The following MIGA1 variants were observed in gnomAD, a reference collection of about 807,000 sequenced individuals.
MIGA1 encodes mitoguardin 1.
In MIGA1, 58 loss-of-function variants were observed where a neutral mutation model predicts 82.0. That is an observed-to-expected ratio of 0.71 (90% CI 0.57 to 0.88). The LOEUF is 0.88. Ranked by LOEUF, MIGA1 falls within the 40% of genes least tolerant of loss-of-function variation. The pLI, the probability that MIGA1 is intolerant of heterozygous loss-of-function variation, is 0.00. For synonymous variants in MIGA1, 249 were observed against 253.6 expected, an observed-to-expected ratio of 0.98 and a Z score of 0.17; for missense variants, 751 against 749.1, an observed-to-expected ratio of 1.00 and a Z score of -0.03.
intron 5 of MIGA1, among the ~76,000 whole-genome samples, 189 bp downstream of exon 5, chr1:77,807,290 T>G (rs781658963): frequency 2.0e-5 from 3 of 152,064 alleles, no homozygotes; most frequent in Non-Finnish European, 4.4e-5. Flanking sequence ...GCCTCCTGAG[T>G]TGCTGGGACC....
chr1:77,813,638 A>G (rs1683450409), intron 5 of MIGA1, 96 bp from the exon 6 acceptor site: 2 of 1,272,518 alleles, frequency 1.6e-6, no homozygotes, highest in East Asian at 2.3e-5. Flanking sequence ...TTAGACTGTG[A>G]CATCAGTGAT....
intron 7 of MIGA1, among the ~76,000 whole-genome samples, chr1:77,826,928 C>T (rs1684048196): frequency 1.3e-5 from 2 of 151,674 alleles, no homozygotes; most frequent in African/African-American, 4.8e-5. Context: ...CCTCAGCCTC[C>T]CGAGTAACTG....
At chr1:77,807,206 G>T (rs1329580413) in intron 5 of MIGA1, 105 bp downstream of exon 5, 2 of 902,360 alleles carry the variant, frequency 2.2e-6, no homozygotes, top group Non-Finnish European at 3.3e-6. Context: ...CTGTCACCCA[G>T]GCTGGAGTAC....
At position 77,864,175 on chromosome 1, in the gene MIGA1, A is replaced by G; in HGVS notation, c.1509+147A>G. The G allele has an allele frequency of 5.8e-6, 4 of 691,218 alleles. No homozygotes were observed. In the South Asian group the frequency reaches 7.9e-5, roughly 14 times the overall value. 42.8% of individuals were successfully genotyped at this position (691,218 alleles called of 1,614,324 possible). A position where few individuals can be genotyped will look rare whatever the true frequency, so the allele number is the denominator to read the frequency against. On this transcript the variant is annotated intron_variant, in intron 13 of 15. Coordinates refer to ENST00000370791, the MANE Select transcript of MIGA1 (RefSeq NM_198549.4). The stretch of plus-strand genomic sequence containing the variant: ...CAGGAGTTTGAGACCAGCCTGGCCA[A>G]CATGGTGAAACCCCATCTCTACTAA...
chr1:77,811,401 C>T, intron 5 of MIGA1: 1 of 1,599,316 alleles, frequency 6.3e-7, no homozygotes. Context: ...ATTCCAAATT[C>T]TCTTCTTCAC....
rs565121143 is a variant in MIGA1, at chr1:77,809,077, A to G, written c.637+1976A>G. 4.6e-5 allele frequency among the ~76,000 whole-genome samples: 7 copies of G among 152,164 alleles called. No individual in the cohort carries two copies. The South Asian group carries it at 1.2e-3, about 27-fold the overall frequency. On this transcript the variant is annotated intron_variant, in intron 5 of 15. Transcript: ENST00000370791. ...AGTGAGCTAATTGTGCCACTGCACT[A>G]CAGCCTGGGTGACAGAGCCCGTTTT...
chr1:77,821,359 G>A (rs1683800503), intron 7 of MIGA1, among the ~76,000 whole-genome samples: 1 of 150,666 alleles, frequency 6.6e-6, no homozygotes, highest in African/African-American at 2.4e-5. Context: ...TTAGTTCTGA[G>A]TCATCATTCT....
intron 5 of MIGA1, chr1:77,810,854 G>A: frequency 6.2e-7 from 1 of 1,610,068 alleles, no homozygotes; most frequent in Non-Finnish European, 8.5e-7. Context: ...GGTTCATCAT[G>A]TCAGGATCAT....
intron 7 of MIGA1, among the ~76,000 whole-genome samples, chr1:77,836,090 A>C (rs911270213): frequency 1.3e-5 from 2 of 152,258 alleles, no homozygotes; most frequent in Non-Finnish European, 2.9e-5. Context: ...GGGACGGTCC[A>C]TTTATAATAA....
intron 8 of MIGA1, among the ~76,000 whole-genome samples, chr1:77,852,967 A>G (rs1685111178): frequency 6.6e-6 from 1 of 152,260 alleles, no homozygotes; most frequent in South Asian, 2.1e-4. Flanking sequence ...CTGGGATTAC[A>G]GGAATGAGCC....
At chr1:77,827,240 C>T (rs1038400277) in intron 7 of MIGA1, among the ~76,000 whole-genome samples, 1 of 152,108 alleles carries the variant, frequency 6.6e-6, no homozygotes, top group African/African-American at 2.4e-5. Context: ...CACGCCTGAC[C>T]TAAACTTTTT....
chr1:77,872,929 A>T, intron 14 of MIGA1, 75 bp from the exon 15 acceptor site: 1 of 1,579,578 alleles, frequency 6.3e-7, no homozygotes, highest in Non-Finnish European at 8.6e-7. Context: ...ATGAATAGCA[A>T]CTTCAGTTTC....
At chr1:77,780,755 A>C (rs1200973611) in intron 1 of MIGA1, among the ~76,000 whole-genome samples, 5 of 152,170 alleles carry the variant, frequency 3.3e-5, no homozygotes, top group Admixed American at 2.6e-4. Flanking sequence ...TTCTGAAAGC[A>C]AATGAAATGA....
chr1:77,862,409 T>C (rs1195452457), intron 12 of MIGA1, among the ~76,000 whole-genome samples: 2 of 150,696 alleles, frequency 1.3e-5, no homozygotes, highest in African/African-American at 2.4e-5. Flanking sequence ...ATCGCGCCAC[T>C]GTACTCCAGC....
intron 14 of MIGA1, 23 bp downstream of exon 14, chr1:77,866,414 T>C (rs1265287805): frequency 1.3e-5 from 21 of 1,609,392 alleles, no homozygotes; most frequent in Non-Finnish European, 1.8e-5. Flanking sequence ...ATGTCCTGAA[T>C]TCCTTTGTTA....
intron 14 of MIGA1, among the ~76,000 whole-genome samples, chr1:77,870,308 G>T (rs1314301541): frequency 8.5e-6 from 1 of 118,158 alleles, no homozygotes; most frequent in African/African-American, 3.1e-5. Context: ...CCGGACGGAG[G>T]GGCTCCTCAC....
intron 14 of MIGA1, among the ~76,000 whole-genome samples, chr1:77,869,494 G>T: frequency 7.3e-6 from 1 of 137,136 alleles, no homozygotes; most frequent in Admixed American, 7.1e-5. Flanking sequence ...GGGCAGAGGG[G>T]CTCCTCACTT....
chr1:77,869,118 C>T (rs1685793003), intron 14 of MIGA1, among the ~76,000 whole-genome samples: 1 of 150,010 alleles, frequency 6.7e-6, no homozygotes, highest in Non-Finnish European at 1.5e-5. Flanking sequence ...TCCCTGGGTA[C>T]TTAAGATTAG....
intron 7 of MIGA1, among the ~76,000 whole-genome samples, chr1:77,835,206 G>GA (rs1451596603): frequency 1.1e-4 from 16 of 152,184 alleles, no homozygotes; most frequent in African/African-American, 3.6e-4. Context: ...TCCTGCTTTG[G>GA]AAAAAAACTC....
Sources: allele counts gnomAD v4.1 joint callset (sites outside exome capture counted in the v4.1 genomes callset), GRCh38; gene constraint gnomAD v4.1.1; transcripts MANE v1.5; gene names NCBI Gene and HGNC (gene_info 2026-07-23, HGNC 2026-07-21).